The following MCTP1 variants were observed in gnomAD, a reference collection of about 807,000 sequenced individuals.
MCTP1 encodes multiple C2 and transmembrane domain containing 1.
In MCTP1, 69 loss-of-function variants were observed where a neutral mutation model predicts 120.6. The observed-to-expected ratio is 0.57, with a 90% CI of 0.47 to 0.70. The LOEUF is 0.70. Ranked by LOEUF, MCTP1 falls within the 30% of genes least tolerant of loss-of-function variation. The probability of loss-of-function intolerance (pLI) is 0.00; values close to 1 mark genes in which losing one functional copy is unlikely to be tolerated. For missense variants in MCTP1, 1,203 were observed against 1,248.8 expected (o/e 0.96, Z 0.55); for synonymous variants, 529 against 493.1 (o/e 1.07, Z -0.96).
chr5:94,758,968 A>T (rs1223281097), intron 19 of MCTP1, among the ~76,000 whole-genome samples: 1 of 152,246 alleles, frequency 6.6e-6, no homozygotes, highest in East Asian at 1.9e-4. Flanking sequence ...TAATGCTATG[A>T]AATTCATGCT....
At chr5:94,915,904 C>G (rs1270397421) in intron 8 of MCTP1, among the ~76,000 whole-genome samples, 1 of 152,036 alleles carries the variant, frequency 6.6e-6, no homozygotes, top group Non-Finnish European at 1.5e-5. Flanking sequence ...CCCAGAAGAA[C>G]ATTTCCAAAA....
chr5:95,014,376 G>C (rs963469831), intron 2 of MCTP1, among the ~76,000 whole-genome samples: 1 of 152,108 alleles, frequency 6.6e-6, no homozygotes, highest in Non-Finnish European at 1.5e-5. Context: ...GGGTTTGAGG[G>C]GTTCAAGACT....
At chr5:95,203,752 G>A (rs917930875) in intron 1 of MCTP1, among the ~76,000 whole-genome samples, 27 of 152,168 alleles carry the variant, frequency 1.8e-4, no homozygotes, top group African/African-American at 4.8e-4. Flanking sequence ...TTTGAAAAGC[G>A]GCAGAAGTGA....
At chr5:95,001,728 G>A (rs922347481) in intron 2 of MCTP1, among the ~76,000 whole-genome samples, 2 of 152,154 alleles carry the variant, frequency 1.3e-5, no homozygotes, top group African/African-American at 2.4e-5. Flanking sequence ...AGAGAAAGCA[G>A]AGCATAAAAG....
chr5:94,778,343 A>T (rs1266547224), intron 19 of MCTP1, among the ~76,000 whole-genome samples: 2 of 152,074 alleles, frequency 1.3e-5, no homozygotes, highest in South Asian at 4.1e-4. Flanking sequence ...TAGGTCTGGA[A>T]ATGTCCAGAG....
At position 94,917,971 on chromosome 5, in the gene MCTP1, C is replaced by CGTCTGGATGGAAATGAAT; in HGVS notation, c.1273-16_1274dup (p.Thr425_Cys426insPheIleSerIleGlnThr). Reference sequence around the variant, plus strand: ...GGACAGGAAGAGCTGGCCTGCCGCACGTCTGGATGGAAATGAATGATCAGA... The same window carrying CGTCTGGATGGAAATGAAT: ...GGACAGGAAGAGCTGGCCTGCCGCACGTCTGGATGGAAATGAATGTCTGGATGGAAATGAATGATCAGA... On this transcript the variant is annotated inframe_insertion and splice_region_variant, in exon 8 of 23. Transcript: ENST00000515393. 6.2e-7 allele frequency: 1 copy of CGTCTGGATGGAAATGAAT among 1,613,586 alleles called. No homozygotes were observed. The highest frequency in any genetic ancestry group is 8.5e-7 in the Non-Finnish European group (1 of 1,179,504).
chr5:94,850,343 C>A (rs2153224043), intron 17 of MCTP1, among the ~76,000 whole-genome samples: 1 of 152,254 alleles, frequency 6.6e-6, no homozygotes, highest in African/African-American at 2.4e-5. Flanking sequence ...AGACCATCAT[C>A]AAAGTCTGGA....
chr5:94,952,795 T>C (rs1431916141), intron 3 of MCTP1, among the ~76,000 whole-genome samples: 2 of 151,354 alleles, frequency 1.3e-5, no homozygotes, highest in African/African-American at 4.9e-5. Flanking sequence ...CCCCATCACC[T>C]TCACCCTTCT....
intron 2 of MCTP1, among the ~76,000 whole-genome samples, chr5:94,988,912 A>C (rs1005360280): frequency 6.6e-5 from 10 of 152,062 alleles, no homozygotes; most frequent in African/African-American, 1.2e-4. Context: ...AAACTATCAG[A>C]TCTTGCGAGA....
At chr5:95,264,892 G>C (rs1029999345) in intron 1 of MCTP1, among the ~76,000 whole-genome samples, 1 of 152,154 alleles carries the variant, frequency 6.6e-6, no homozygotes, top group Non-Finnish European at 1.5e-5. Context: ...AAGGTGGCAG[G>C]GGGTGGTGGG....
intron 17 of MCTP1, among the ~76,000 whole-genome samples, chr5:94,831,534 G>A (rs1788518351): frequency 6.6e-6 from 1 of 152,130 alleles, no homozygotes; most frequent in Non-Finnish European, 1.5e-5. Flanking sequence ...ATTTTTGAAT[G>A]TACTTTAAGG....
intron 2 of MCTP1, among the ~76,000 whole-genome samples, chr5:94,963,731 T>C (rs1221204004): frequency 6.6e-6 from 1 of 152,164 alleles, no homozygotes; most frequent in African/African-American, 2.4e-5. Context: ...ATTAGAGGTA[T>C]GTTTGCAAAT....
intron 1 of MCTP1, among the ~76,000 whole-genome samples, chr5:95,227,498 A>T (rs1754415636): frequency 6.6e-6 from 1 of 152,260 alleles, no homozygotes; most frequent in African/African-American, 2.4e-5. Context: ...AACGGGAGAA[A>T]TGAGAGCAGT....
At chr5:94,763,628 A>G (rs756996046) in intron 19 of MCTP1, among the ~76,000 whole-genome samples, 7 of 152,146 alleles carry the variant, frequency 4.6e-5, no homozygotes, top group African/African-American at 1.4e-4. Flanking sequence ...CCATCACACA[A>G]TGACTCCTGG....
intron 1 of MCTP1, among the ~76,000 whole-genome samples, chr5:95,280,922 T>G (rs1760265544): frequency 1.3e-5 from 2 of 152,184 alleles, no homozygotes; most frequent in South Asian, 4.1e-4. Context: ...TCAGAGTACG[T>G]GCACATATGT....
In MCTP1 at chr5:95,150,189, T is replaced by C. The variant is rs146030703; in HGVS notation, c.721-132705A>G. 5.3e-3 allele frequency among the ~76,000 whole-genome samples: 801 copies of C among 152,356 alleles called. 6 individuals are homozygous for C. Among genetic ancestry groups the C allele is most frequent in the African/African-American group, 0.019 (773 of 41,576 alleles). ...TCTAAAGTGCAGCATCTCTTCCCCATATTTGTTTTAATTGCATAACCTAAT... is the reference window on the plus strand; with the variant it reads ...TCTAAAGTGCAGCATCTCTTCCCCACATTTGTTTTAATTGCATAACCTAAT... On this transcript the variant is annotated intron_variant, in intron 1 of 22. Coordinates refer to ENST00000515393, the MANE Select transcript of MCTP1 (RefSeq NM_024717.7).
chr5:94,969,217 C>T (rs1469547205), intron 2 of MCTP1, among the ~76,000 whole-genome samples: 1 of 152,110 alleles, frequency 6.6e-6, no homozygotes, highest in African/African-American at 2.4e-5. Context: ...AGGCAGGATA[C>T]TGATGGGCAC....
At chr5:94,994,695 A>C (rs1404329437) in intron 2 of MCTP1, among the ~76,000 whole-genome samples, 2 of 152,116 alleles carry the variant, frequency 1.3e-5, no homozygotes, top group African/African-American at 2.4e-5. Context: ...TGTGTCTGTG[A>C]GGGTGTTGCC....
chr5:95,215,129 A>G (rs1752894139), intron 1 of MCTP1, among the ~76,000 whole-genome samples: 1 of 152,138 alleles, frequency 6.6e-6, no homozygotes, highest in Non-Finnish European at 1.5e-5. Context: ...TCCATCTTGG[A>G]GCTTTTATCC....
Sources: allele counts gnomAD v4.1 joint callset (sites outside exome capture counted in the v4.1 genomes callset), GRCh38; gene constraint gnomAD v4.1.1; transcripts MANE v1.5; gene names NCBI Gene and HGNC (gene_info 2026-07-23, HGNC 2026-07-21).